Variants in RBFOX1 observed in about 807,000 individuals in gnomAD.
RBFOX1 encodes the protein RNA binding protein fox-1 homolog 1.
In RBFOX1, 8 loss-of-function variants were observed where a neutral mutation model predicts 57.7. The observed-to-expected ratio is 0.14, with a 90% CI of 0.08 to 0.25. RBFOX1 has a LOEUF of 0.25. RBFOX1 is among the 10% of genes least tolerant of loss of function. The pLI is 1.00. For missense variants in RBFOX1, 611 were observed against 548.5 expected (o/e 1.11, Z -1.14); for synonymous variants, 326 against 222.4 (o/e 1.47, Z -4.15).
At chr16:7,659,155 C>T (rs2067064588) in intron 12 of RBFOX1, among the ~76,000 whole-genome samples, 1 of 152,142 alleles carries the variant, frequency 6.6e-6, no homozygotes, top group African/African-American at 2.4e-5. Flanking sequence ...GTGTAAACTT[C>T]CCAGAGTTAC....
intron 1 of RBFOX1, among the ~76,000 whole-genome samples, chr16:6,122,525 C>G (rs2096558657): frequency 6.6e-6 from 1 of 152,172 alleles, no homozygotes; most frequent in Non-Finnish European, 1.5e-5. Flanking sequence ...ACATAATACC[C>G]TGCCATGGAG....
intron 3 of RBFOX1, among the ~76,000 whole-genome samples, chr16:5,676,721 T>C (rs933078032): frequency 6.6e-6 from 1 of 152,130 alleles, no homozygotes; most frequent in African/African-American, 2.4e-5. Context: ...AACTAGCCAG[T>C]TGTGGCAGCA....
rs1477466226 is a variant in RBFOX1, at chr16:5,856,090, A to G, written c.319-11213A>G. Among the ~76,000 whole-genome samples the G allele has an allele frequency of 3.9e-5, 5 of 126,686 alleles. No homozygotes were observed. In the East Asian group the frequency reaches 6.9e-4, roughly 18 times the overall value. The allele number at this position is 126,686 out of a possible 152,430, so 83.1% of individuals were successfully genotyped here. On this transcript the variant is annotated intron_variant, in intron 3 of 19. Transcript: ENST00000641259. ...ACTGATTTTTGTATGTGGATTTTGT[A>G]TCCTGCAAATTTACTGAATTTGTAT...
chr16:5,556,687 C>A (rs919787414), intron 2 of RBFOX1, among the ~76,000 whole-genome samples: 1 of 152,184 alleles, frequency 6.6e-6, no homozygotes. Context: ...CCATGTGATA[C>A]TCTTTGAAGC....
chr16:6,874,489 C>G (rs113032127), intron 3 of RBFOX1, among the ~76,000 whole-genome samples: 57 of 118,916 alleles, frequency 4.8e-4, no homozygotes, highest in African/African-American at 1.8e-3. Context: ...CCAGGCTGGG[C>G]GACAGAGCAA....
chr16:7,428,950 G>C (rs557145657), intron 4 of RBFOX1, among the ~76,000 whole-genome samples: 1 of 152,212 alleles, frequency 6.6e-6, no homozygotes, highest in South Asian at 2.1e-4. Context: ...ACAGTACAAT[G>C]CCTGGCGCTC....
At chr16:6,870,655 A>G (rs2060704873) in intron 3 of RBFOX1, among the ~76,000 whole-genome samples, 1 of 152,228 alleles carries the variant, frequency 6.6e-6, no homozygotes, top group South Asian at 2.1e-4. Flanking sequence ...ACAAACGATG[A>G]TGGGAATATT....
At chr16:5,439,988 A>C (rs2068035804) in intron 1 of RBFOX1, among the ~76,000 whole-genome samples, 1 of 152,212 alleles carries the variant, frequency 6.6e-6, no homozygotes. Context: ...TGCCAGAGCT[A>C]AAGATATTAG....
intron 3 of RBFOX1, among the ~76,000 whole-genome samples, chr16:7,051,534 GC>G (rs1260118211): frequency 6.6e-6 from 1 of 152,186 alleles, no homozygotes; most frequent in African/African-American, 2.4e-5. Context: ...ATTCTCCCCA[GC>G]ACAATCCTAT....
At chr16:5,385,752 A>G (rs1275037628) in intron 1 of RBFOX1, among the ~76,000 whole-genome samples, 7 of 152,270 alleles carry the variant, frequency 4.6e-5, no homozygotes, top group South Asian at 4.1e-4. Flanking sequence ...GCTATTTGTT[A>G]TGACCACCCT....
Position 7,295,624 on chromosome 16 carries a change from C to T in RBFOX1, c.28-222523C>T, listed in dbSNP as rs570536657. 5.9e-5 allele frequency among the ~76,000 whole-genome samples: 9 copies of T among 152,182 alleles called. No individual in the cohort carries two copies. In the East Asian group the frequency reaches 1.7e-3, roughly 30 times the overall value. ...AAGGTATGATCCAGAGATAGATCTT[C>T]AGACCAAGCAGCAAGACTCCAAAAG... On this transcript the variant is annotated intron_variant, in intron 4 of 15. Coordinates refer to ENST00000550418, the MANE Select transcript of RBFOX1 (RefSeq NM_018723.4).
At chr16:6,707,472 A>AT (rs1233122392) in intron 3 of RBFOX1, among the ~76,000 whole-genome samples, 33 of 89,934 alleles carry the variant, frequency 3.7e-4, no homozygotes, top group African/African-American at 1.5e-3. Flanking sequence ...ATGGCTTCCC[A>AT]TTTTTGTTTT....
At chr16:5,386,341 C>G (rs760202398) in intron 1 of RBFOX1, among the ~76,000 whole-genome samples, 1 of 151,924 alleles carries the variant, frequency 6.6e-6, no homozygotes, top group Non-Finnish European at 1.5e-5. Context: ...GTCCTGAGAG[C>G]ATTGCATCTC....
At chr16:6,899,883 A>C (rs74647143) in intron 3 of RBFOX1, among the ~76,000 whole-genome samples, 2,116 of 152,264 alleles carry the variant, frequency 0.014, 55 homozygotes, top group African/African-American at 0.048. Context: ...GTGTGAAGTT[A>C]ACAATGAGAG....
At chr16:7,584,987 T>A (rs1190115254) in intron 6 of RBFOX1, among the ~76,000 whole-genome samples, 1 of 152,194 alleles carries the variant, frequency 6.6e-6, no homozygotes, top group Admixed American at 6.5e-5. Flanking sequence ...TCTGTCTCAA[T>A]CAGATCTTAT....
intron 4 of RBFOX1, among the ~76,000 whole-genome samples, chr16:7,383,253 G>A (rs1452492991): frequency 2.7e-5 from 4 of 147,630 alleles, no homozygotes; most frequent in East Asian, 2.0e-4. Context: ...CACCTACTAC[G>A]TACCCATAAA....
intron 3 of RBFOX1, among the ~76,000 whole-genome samples, chr16:5,701,390 C>G (rs1217288171): frequency 6.6e-6 from 1 of 152,160 alleles, no homozygotes; most frequent in African/African-American, 2.4e-5. Flanking sequence ...ATTGTGATGC[C>G]TCAAGCTTGT....
At chr16:6,511,525 C>A (rs1012290417) in intron 2 of RBFOX1, among the ~76,000 whole-genome samples, 5 of 152,074 alleles carry the variant, frequency 3.3e-5, no homozygotes, top group Non-Finnish European at 5.9e-5. Flanking sequence ...GACAAGGAGC[C>A]CATGGAAACT....
At chr16:6,028,427 C>A (rs143320662) in intron 1 of RBFOX1, among the ~76,000 whole-genome samples, 1,531 of 147,558 alleles carry the variant, frequency 0.01, 9 homozygotes, top group Middle Eastern at 0.025. Flanking sequence ...AATCCCAACA[C>A]TTTGGGAGGC....
Sources: gnomAD v4.1 joint callset for allele counts (sites outside exome capture counted in the v4.1 genomes callset) on GRCh38, gnomAD v4.1.1 for gene constraint, MANE v1.5 for transcripts, NCBI Gene and HGNC (gene_info 2026-07-23, HGNC 2026-07-21) for gene names.